Variants in CTNNA3 observed in about 807,000 individuals in gnomAD.
The protein encoded by CTNNA3 is catenin alpha-3.
A neutral mutation model predicts 95.7 loss-of-function variants in CTNNA3; 76 were observed. That is an observed-to-expected ratio of 0.79 (90% CI 0.66 to 0.96). CTNNA3 has a LOEUF of 0.96. CTNNA3 is among the 40% of genes least tolerant of loss of function. The pLI is 0.00. For synonymous variants in CTNNA3, 431 were observed against 374.4 expected (o/e 1.15, Z -1.74); for missense variants, 1,191 against 1,089.8 (o/e 1.09, Z -1.31).
At chr10:67,422,378 G>A (rs1162154820) in intron 5 of CTNNA3, among the ~76,000 whole-genome samples, 3 of 152,154 alleles carry the variant, frequency 2.0e-5, no homozygotes, top group Non-Finnish European at 4.4e-5. Context: ...AAGAGAGAGA[G>A]AATGAGAAAG....
intron 12 of CTNNA3, among the ~76,000 whole-genome samples, chr10:66,298,505 A>G (rs1393969218): frequency 6.6e-6 from 1 of 152,200 alleles, no homozygotes; most frequent in African/African-American, 2.4e-5. Context: ...ATTGCTAAAG[A>G]TGAGATAAGA....
intron 9 of CTNNA3, among the ~76,000 whole-genome samples, chr10:66,630,549 G>T (rs1845096754): frequency 6.6e-6 from 1 of 152,160 alleles, no homozygotes; most frequent in Admixed American, 6.6e-5. Flanking sequence ...GATGCCAAAT[G>T]TTGGCAAGTG....
At chr10:67,581,320 G>A (rs576097763) in intron 3 of CTNNA3, among the ~76,000 whole-genome samples, 1 of 152,232 alleles carries the variant, frequency 6.6e-6, no homozygotes, top group Non-Finnish European at 1.5e-5. Flanking sequence ...AGATAATAAT[G>A]TGGTTTTTGT....
chr10:67,667,960 T>C (rs560026816), intron 1 of CTNNA3, among the ~76,000 whole-genome samples: 1 of 152,306 alleles, frequency 6.6e-6, no homozygotes, highest in East Asian at 1.9e-4. Context: ...AATTTGCTTA[T>C]CCTTTTTGCC....
chr10:67,165,306 T>C (rs1861717435), intron 7 of CTNNA3, among the ~76,000 whole-genome samples: 1 of 152,024 alleles, frequency 6.6e-6, no homozygotes, highest in Admixed American at 6.6e-5. Flanking sequence ...ATAACAAAAT[T>C]ATAGAAATGG....
chr10:66,867,048 A>G (rs1844207740), intron 7 of CTNNA3, among the ~76,000 whole-genome samples: 1 of 152,094 alleles, frequency 6.6e-6, no homozygotes, highest in Non-Finnish European at 1.5e-5. Flanking sequence ...GCTGCCATGT[A>G]AGATGTGCCT....
intron 11 of CTNNA3, among the ~76,000 whole-genome samples, chr10:66,450,694 T>C (rs1348043247): frequency 2.0e-5 from 3 of 152,126 alleles, no homozygotes; most frequent in South Asian, 4.1e-4. Context: ...AAAATTGTGC[T>C]AAACTTTAGA....
At chr10:67,105,235 T>TAATA (rs1858564335) in intron 7 of CTNNA3, among the ~76,000 whole-genome samples, 1 of 150,518 alleles carries the variant, frequency 6.6e-6, no homozygotes, top group Admixed American at 6.6e-5. Context: ...ACATATTAAA[T>TAATA]GATAGATAGA....
intron 7 of CTNNA3, among the ~76,000 whole-genome samples, chr10:66,947,157 C>T (rs1228242983): frequency 2.0e-5 from 3 of 152,102 alleles, no homozygotes; most frequent in African/African-American, 7.2e-5. Context: ...CTTGCATAAA[C>T]TACTTTACAC....
intron 11 of CTNNA3, among the ~76,000 whole-genome samples, chr10:66,414,246 G>A (rs371445532): frequency 3.5e-4 from 54 of 152,248 alleles, no homozygotes; most frequent in African/African-American, 1.2e-3. Flanking sequence ...GGAGCATTTT[G>A]TACTTGCTTT....
intron 6 of CTNNA3, among the ~76,000 whole-genome samples, chr10:67,181,586 T>C (rs927103206): frequency 2.6e-5 from 4 of 152,146 alleles, no homozygotes; most frequent in East Asian, 1.9e-4. Context: ...AAGATCTTCC[T>C]AGTATATAAT....
At chr10:67,237,782 T>A (rs1278961777) in intron 5 of CTNNA3, among the ~76,000 whole-genome samples, 1 of 152,102 alleles carries the variant, frequency 6.6e-6, no homozygotes, top group African/African-American at 2.4e-5. Flanking sequence ...TAAAGAACTC[T>A]GAAAGCAACA....
chr10:67,086,343 G>C (rs1857306576), intron 7 of CTNNA3, among the ~76,000 whole-genome samples: 1 of 151,918 alleles, frequency 6.6e-6, no homozygotes, highest in Non-Finnish European at 1.5e-5. Context: ...CATTTAGTTG[G>C]GACAGAATAT....
At chr10:66,446,838 C>G (rs199947866) in intron 11 of CTNNA3, among the ~76,000 whole-genome samples, 4,701 of 151,566 alleles carry the variant, frequency 0.031, 117 homozygotes, top group East Asian at 0.11. Context: ...AATCAGGCAG[C>G]AGAAGGAAAT....
intron 5 of CTNNA3, among the ~76,000 whole-genome samples, chr10:67,411,937 T>C (rs947863811): frequency 4.6e-5 from 7 of 152,104 alleles, no homozygotes; most frequent in African/African-American, 9.7e-5. Flanking sequence ...TTCTTAACTT[T>C]GGTGATAAAA....
upstream of CTNNA3, among the ~76,000 whole-genome samples, chr10:67,698,987 C>A (rs950992650): frequency 1.3e-4 from 20 of 152,006 alleles, no homozygotes; most frequent in Non-Finnish European, 1.5e-5. Flanking sequence ...TCTATAAACC[C>A]ACTAACACCG....
intron 12 of CTNNA3, among the ~76,000 whole-genome samples, chr10:66,341,010 A>G (rs1055514244): frequency 1.3e-5 from 2 of 151,890 alleles, no homozygotes; most frequent in African/African-American, 4.8e-5. Flanking sequence ...TAACATTGAA[A>G]CAGACTCCAA....
rs138883167 is a variant in CTNNA3, at chr10:65,920,872, A to G, written c.2401-255T>C. On this transcript the variant is annotated intron_variant, in intron 17 of 17. Coordinates refer to ENST00000433211, the MANE Select transcript of CTNNA3 (RefSeq NM_013266.4). ...TAAAAATAACTGAGCCTGATAGTCTATTAATGTCACAATAAGCTGCTCAAT... is the reference window on the plus strand; with the variant it reads ...TAAAAATAACTGAGCCTGATAGTCTGTTAATGTCACAATAAGCTGCTCAAT... Among the ~76,000 whole-genome samples the G allele has an allele frequency of 2.8e-3, 425 of 152,330 alleles. 2 individuals carry two copies. The highest frequency in any genetic ancestry group is 9.8e-3 in the African/African-American group (407 of 41,586).
intron 6 of CTNNA3, among the ~76,000 whole-genome samples, chr10:67,213,292 C>T (rs1864216429): frequency 6.6e-6 from 1 of 151,572 alleles, no homozygotes; most frequent in South Asian, 2.1e-4. Context: ...GTAGTTATGA[C>T]TCCTCTTCTG....
Sources: gnomAD v4.1 joint callset for allele counts (sites outside exome capture counted in the v4.1 genomes callset) on GRCh38, gnomAD v4.1.1 for gene constraint, MANE v1.5 for transcripts, NCBI Gene and HGNC (gene_info 2026-07-23, HGNC 2026-07-21) for gene names.